BTBD10: variants seen among roughly 807,000 people sequenced by gnomAD.
The protein encoded by BTBD10 is BTB domain containing 10, also known as BTB/POZ domain-containing protein 10.
A neutral mutation model predicts 53.2 loss-of-function variants in BTBD10; 21 were observed. That is an observed-to-expected ratio of 0.39 (90% CI 0.28 to 0.57). The LOEUF is 0.57. Ranked by LOEUF, BTBD10 falls within the 20% of genes least tolerant of loss-of-function variation. The pLI is 0.53. For synonymous variants in BTBD10, 149 were observed against 192.7 expected (o/e 0.77, Z 1.88); for missense variants, 360 against 594.7 (o/e 0.61, Z 4.10).
chr11:13,433,609 T>C (rs1444069391), intron 2 of BTBD10, among the ~76,000 whole-genome samples: 1 of 152,226 alleles, frequency 6.6e-6, no homozygotes, highest in Non-Finnish European at 1.5e-5. Context: ...TTTGGCAAAC[T>C]ATGGCTCATG....
intron 6 of BTBD10, among the ~76,000 whole-genome samples, chr11:13,411,651 C>T (rs1019097692): frequency 7.9e-5 from 12 of 152,160 alleles, no homozygotes; most frequent in Non-Finnish European, 1.6e-4. Flanking sequence ...AGGTAAACTA[C>T]GCACAACAAA....
chr11:13,432,412 C>T lies in BTBD10; in HGVS notation c.102-10574G>A, dbSNP rs1000297969. On this transcript the variant is annotated intron_variant, in intron 2 of 8. Coordinates refer to ENST00000278174, the MANE Select transcript of BTBD10 (RefSeq NM_032320.7). The stretch of plus-strand genomic sequence containing the variant: ...CAATAATTTAGTTATTAGTATTGTA[C>T]TCACGTCAGTTTCCTGGTTCTCATA... Among the ~76,000 whole-genome samples the T allele has an allele frequency of 2.6e-5, 4 of 152,084 alleles. 1 individual carries two copies. The East Asian group carries it at 7.7e-4, about 29-fold the overall frequency.
chr11:13,459,359 G>A (rs1380315916), intron 1 of BTBD10, among the ~76,000 whole-genome samples: 1 of 151,612 alleles, frequency 6.6e-6, no homozygotes, highest in Non-Finnish European at 1.5e-5. Flanking sequence ...TGCCTGGCTG[G>A]CTGATTGCTA....
At chr11:13,459,061 T>TTTA (rs201147754) in intron 1 of BTBD10, among the ~76,000 whole-genome samples, 29 of 136,792 alleles carry the variant, frequency 2.1e-4, no homozygotes, top group Admixed American at 4.5e-4. Context: ...TTTATTTATT[T>TTTA]TTTTTTTTTT....
chr11:13,389,191 C>G, intron 8 of BTBD10, 50 bp from the exon 9 acceptor site: 2 of 1,508,838 alleles, frequency 1.3e-6, no homozygotes, highest in Non-Finnish European at 1.8e-6. Flanking sequence ...ACAGACCTCT[C>G]ACCCAATTTC....
intron 6 of BTBD10, among the ~76,000 whole-genome samples, chr11:13,408,671 T>C (rs1374762845): frequency 2.0e-5 from 3 of 152,174 alleles, no homozygotes; most frequent in African/African-American, 7.2e-5. Flanking sequence ...CTCACACTTC[T>C]GGTTAAAGCT....
chr11:13,408,685 C>T (rs937786441), intron 6 of BTBD10, among the ~76,000 whole-genome samples: 1 of 152,150 alleles, frequency 6.6e-6, no homozygotes. Flanking sequence ...TAAAGCTCTC[C>T]TCTTCTTTCC....
chr11:13,444,979 T>C, intron 2 of BTBD10, 45 bp downstream of exon 2: 1 of 1,480,874 alleles, frequency 6.8e-7, no homozygotes, highest in South Asian at 1.1e-5. Flanking sequence ...TTACAATCAG[T>C]TTTTAGCAGA....
chr11:13,416,172 C>T (rs1421180632), intron 5 of BTBD10, among the ~76,000 whole-genome samples: 2 of 151,048 alleles, frequency 1.3e-5, no homozygotes, highest in Admixed American at 6.6e-5. Context: ...GGCAACATGG[C>T]GAAACCTCAT....
intron 2 of BTBD10, among the ~76,000 whole-genome samples, chr11:13,423,307 T>A (rs946525659): frequency 1.3e-5 from 2 of 152,242 alleles, no homozygotes; most frequent in African/African-American, 4.8e-5. Flanking sequence ...TGCTTATTGC[T>A]TGGCATTTTG....
chr11:13,443,735 C>T (rs905739971), intron 2 of BTBD10, among the ~76,000 whole-genome samples: 25 of 151,972 alleles, frequency 1.6e-4, no homozygotes, highest in African/African-American at 5.6e-4. Context: ...AGGTGCATGC[C>T]ACCATTCCCG....
intron 1 of BTBD10, among the ~76,000 whole-genome samples, chr11:13,448,731 C>A (rs971500275): frequency 6.6e-6 from 1 of 152,130 alleles, no homozygotes; most frequent in African/African-American, 2.4e-5. Context: ...TTGCTGTAAT[C>A]AGAACGGCCT....
intron 8 of BTBD10, among the ~76,000 whole-genome samples, chr11:13,396,356 A>T (rs1272071605): frequency 2.0e-5 from 3 of 152,184 alleles, no homozygotes; most frequent in Non-Finnish European, 4.4e-5. Flanking sequence ...TTATTGGTGT[A>T]TAAGAATGCT....
intron 2 of BTBD10, among the ~76,000 whole-genome samples, chr11:13,424,639 C>T (rs1029055613): frequency 5.3e-5 from 8 of 152,080 alleles, no homozygotes; most frequent in Admixed American, 4.6e-4. Context: ...AATTCATGAA[C>T]TAAGGATAGG....
chr11:13,405,135 A>T (rs1260476917), intron 7 of BTBD10, among the ~76,000 whole-genome samples: 1 of 152,196 alleles, frequency 6.6e-6, no homozygotes, highest in African/African-American at 2.4e-5. Context: ...GAAATGCCCA[A>T]AAGAACTATA....
rs1007917541 is a variant in BTBD10 at position 13,389,155 on chromosome 11, A to T, written c.1118-14T>A. On this transcript the variant is annotated splice_polypyrimidine_tract_variant and intron_variant, in intron 8 of 8. Transcript: ENST00000278174. Reference sequence around the variant, plus strand: ...AGGTAGGATAACCTGAAAGAAAGAAAGATTTTAAAAACTGAGGAGACACAC... The same window carrying T: ...AGGTAGGATAACCTGAAAGAAAGAATGATTTTAAAAACTGAGGAGACACAC... 4 of 1,499,352 alleles carry T rather than the reference A, an allele frequency of 2.7e-6. No homozygotes were observed. Among genetic ancestry groups the T allele is most frequent in the Non-Finnish European group, 3.7e-6 (4 of 1,088,702 alleles). The allele number at this position is 1,499,352 out of a possible 1,614,324, so 92.9% of individuals were successfully genotyped here.
intron 7 of BTBD10, chr11:13,405,294 C>A: frequency 6.2e-6 from 1 of 160,702 alleles, no homozygotes; most frequent in Non-Finnish European, 1.4e-5. Flanking sequence ...TTTAAACAAG[C>A]TATTTTCATA....
At chr11:13,432,491 T>G (rs1353530655) in intron 2 of BTBD10, among the ~76,000 whole-genome samples, 1 of 152,134 alleles carries the variant, frequency 6.6e-6, no homozygotes, top group African/African-American at 2.4e-5. Flanking sequence ...GTAGAGTACC[T>G]GGGAACTCAC....
At chr11:13,405,510 G>T in intron 7 of BTBD10, 149 bp downstream of exon 7, 1 of 777,586 alleles carries the variant, frequency 1.3e-6, no homozygotes, top group Non-Finnish European at 2.0e-6. Context: ...CATGAAAGCA[G>T]CCATAGGCAA....
Sources: gnomAD v4.1 joint callset for allele counts (sites outside exome capture counted in the v4.1 genomes callset) on GRCh38, gnomAD v4.1.1 for gene constraint, MANE v1.5 for transcripts, NCBI Gene and HGNC (gene_info 2026-07-23, HGNC 2026-07-21) for gene names.